SSPN: variants seen among roughly 807,000 people sequenced by gnomAD.
The protein encoded by SSPN is K-ras oncogene-associated protein.
In SSPN, 15 loss-of-function variants were observed where a neutral mutation model predicts 19.1. The observed-to-expected ratio is 0.78, with a 90% CI of 0.52 to 1.21. The LOEUF (loss-of-function observed/expected upper bound fraction) is 1.21, where lower values mean the gene tolerates loss of function less well. Among genes scored for constraint, SSPN ranks in the 50% most tolerant of loss-of-function variants. The pLI, the probability that SSPN is intolerant of heterozygous loss-of-function variation, is 0.00. For synonymous variants in SSPN, 147 were observed against 140.3 expected (o/e 1.05, Z -0.34); for missense variants, 291 against 314.0 (o/e 0.93, Z 0.55).
chr12:26,186,548 A>T (rs1472395744), intron 1 of SSPN, among the ~76,000 whole-genome samples: 1 of 152,158 alleles, frequency 6.6e-6, no homozygotes, highest in African/African-American at 2.4e-5. Context: ...ACATTCTGTT[A>T]TTCAGTTTTC....
rs1945075355 is a variant in SSPN at position 26,218,074 on chromosome 12, C to A, written c.280-6219C>A. 2.7e-5 allele frequency among the ~76,000 whole-genome samples: 4 copies of A among 150,272 alleles called. No individual in the cohort carries two copies. The East Asian group carries it at 7.8e-4, about 29-fold the overall frequency. On this transcript the variant is annotated intron_variant, in intron 1 of 2. Transcript: ENST00000242729. Reference sequence around the variant, plus strand: ...AAAGACTTGGAACCAACCCAAATGTCCAACAATGATAGACTGGATTAAGAA... The same window carrying A: ...AAAGACTTGGAACCAACCCAAATGTACAACAATGATAGACTGGATTAAGAA...
chr12:26,193,819 C>T (rs1170747700), upstream of SSPN, among the ~76,000 whole-genome samples: 1 of 152,186 alleles, frequency 6.6e-6, no homozygotes, highest in African/African-American at 2.4e-5. Flanking sequence ...TATTTGTTCC[C>T]TGAACCATTA....
intron 1 of SSPN, among the ~76,000 whole-genome samples, chr12:26,163,652 G>A (rs1405214412): frequency 1.3e-5 from 2 of 152,146 alleles, no homozygotes; most frequent in East Asian, 3.9e-4. Flanking sequence ...CATTAAGAGG[G>A]AGCAGCAGTC....
upstream of SSPN, among the ~76,000 whole-genome samples, chr12:26,194,369 C>T (rs1944807669): frequency 6.6e-6 from 1 of 152,188 alleles, no homozygotes; most frequent in South Asian, 2.1e-4. Context: ...TCAATCCAAT[C>T]CCCCTAAGCA....
chr12:26,182,140 C>CT (rs1460934678), intron 1 of SSPN, among the ~76,000 whole-genome samples: 3 of 152,208 alleles, frequency 2.0e-5, no homozygotes, highest in Non-Finnish European at 2.9e-5. Flanking sequence ...GAGTCCAGCA[C>CT]TGTCCTCTAC....
At chr12:26,189,634 C>A (rs1170941907) in intron 1 of SSPN, among the ~76,000 whole-genome samples, 1 of 152,106 alleles carries the variant, frequency 6.6e-6, no homozygotes, top group East Asian at 1.9e-4. Flanking sequence ...TTATATTGTC[C>A]CTTTAGCTGC....
chr12:26,172,513 A>G (rs1207719290), intron 1 of SSPN, among the ~76,000 whole-genome samples: 5 of 152,224 alleles, frequency 3.3e-5, no homozygotes, highest in African/African-American at 1.2e-4. Flanking sequence ...ACTCATTTGT[A>G]TTATATTATC....
intron 1 of SSPN, among the ~76,000 whole-genome samples, chr12:26,135,464 G>A (rs1164122603): frequency 6.6e-6 from 1 of 152,164 alleles, no homozygotes; most frequent in Non-Finnish European, 1.5e-5. Flanking sequence ...ACAGACAAAA[G>A]AGAGCTGGGG....
Position 26,177,369 on chromosome 12 carries a change from T to C in SSPN, c.-30-46924T>C, listed in dbSNP as rs553748122. ...ATGGCTCTAGACACTCAGATAAATC[T>C]TGGACCCCTGGACACCTTCGTCTGC... On this transcript the variant is annotated intron_variant, in intron 1 of 2. Coordinates refer to the SSPN transcript ENST00000538142. 3.9e-5 allele frequency among the ~76,000 whole-genome samples: 6 copies of C among 152,318 alleles called. No homozygotes were observed. In the South Asian group the frequency reaches 1.2e-3, roughly 32 times the overall value.
Position 26,231,103 on chromosome 12 carries a change from A to G in SSPN, c.*27A>G, listed in dbSNP as rs749436979. ...ATTCTTGCTCAAAGTTGCGAGAGAA[A>G]GTAGCACATGGAGTAGCTGAGGTTA... On this transcript the variant is annotated 3_prime_UTR_variant, in exon 3 of 3. Transcript: ENST00000242729. 5 of 1,596,008 alleles carry G rather than the reference A, an allele frequency of 3.1e-6. No homozygotes were observed. The South Asian group carries it at 3.4e-5, about 11-fold the overall frequency.
At chr12:26,200,440 G>T (rs11048427) in intron 1 of SSPN, among the ~76,000 whole-genome samples, 1 of 152,158 alleles carries the variant, frequency 6.6e-6, no homozygotes, top group African/African-American at 2.4e-5. Flanking sequence ...GGAAAATTGG[G>T]TGGTTATTTA....
chr12:26,172,203 T>C (rs1327261612), intron 1 of SSPN, among the ~76,000 whole-genome samples: 1 of 152,224 alleles, frequency 6.6e-6, no homozygotes, highest in African/African-American at 2.4e-5. Context: ...GGTAATAGAT[T>C]CTGCTTATTC....
chr12:26,176,636 A>G (rs987851627), intron 1 of SSPN, among the ~76,000 whole-genome samples: 3 of 152,248 alleles, frequency 2.0e-5, no homozygotes, highest in East Asian at 1.9e-4. Context: ...GCTTGCACCA[A>G]TTAAAAATAT....
chr12:26,196,160 C>G (rs1315851013), intron 1 of SSPN, among the ~76,000 whole-genome samples: 1 of 152,214 alleles, frequency 6.6e-6, no homozygotes, highest in East Asian at 1.9e-4. Flanking sequence ...CTCTCCTGCT[C>G]GCGGCTCCCA....
At chr12:26,141,928 A>C (rs1331123492) in intron 1 of SSPN, among the ~76,000 whole-genome samples, 1 of 152,248 alleles carries the variant, frequency 6.6e-6, no homozygotes, top group African/African-American at 2.4e-5. Flanking sequence ...ATGGGGAGTC[A>C]CAGGCACCCA....
intron 1 of SSPN, chr12:26,123,575 C>T: frequency 8.0e-7 from 1 of 1,249,050 alleles, no homozygotes; most frequent in Non-Finnish European, 1.2e-6. Flanking sequence ...GACACTGCTC[C>T]CCTGTGGGCT....
At chr12:26,196,029 C>A (rs140638490) in intron 1 of SSPN, 78 bp downstream of exon 1, 1 of 1,192,566 alleles carries the variant, frequency 8.4e-7, no homozygotes, top group Non-Finnish European at 1.1e-6. Context: ...TGAGACTAAC[C>A]CAGCTGCATG....
At chr12:26,123,737 A>C (rs1254594386) in intron 1 of SSPN, 1 of 1,610,220 alleles carries the variant, frequency 6.2e-7, no homozygotes, top group Admixed American at 1.7e-5. Context: ...CAGATGTCCC[A>C]GAGTCTGCAG....
Position 26,224,293 on chromosome 12 carries a change from G to A in SSPN, c.280G>A (p.Val94Ile), listed in dbSNP as rs776079884. The A allele has an allele frequency of 1.9e-6, 3 of 1,612,754 alleles. No individual in the cohort carries two copies. Among genetic ancestry groups the A allele is most frequent in the East Asian group, 2.2e-5 (1 of 44,870 alleles). ...RDTPFWAGII[V>I]CLVAYLGLFM... is the part of the protein sequence containing the mutation. Reference sequence around the variant, plus strand: ...CTTTCTTCTGTGTTCTCCCTTGCAGGTCTGCTTAGTGGCCTATCTTGGCTT... The same window carrying A: ...CTTTCTTCTGTGTTCTCCCTTGCAGATCTGCTTAGTGGCCTATCTTGGCTT... Residue 94 changes from valine to isoleucine, a missense_variant and splice_region_variant, in exon 2 of 3, where the codon GTC becomes ATC. Around this residue, in one of 3 missense-constraint regions of SSPN, gnomAD observed 11 missense variants for 27.7 expected, o/e 0.40. Transcript: ENST00000242729.
Sources: allele counts gnomAD v4.1 joint callset (sites outside exome capture counted in the v4.1 genomes callset), GRCh38; gene constraint gnomAD v4.1.1; regional missense constraint gnomAD v4.1.1; transcripts MANE v1.5; gene names NCBI Gene and HGNC (gene_info 2026-07-23, HGNC 2026-07-21).